The following FGF14 variants were observed in gnomAD, a reference collection of about 807,000 sequenced individuals.
The protein encoded by FGF14 is fibroblast growth factor 14.
FGF14 carries 5 observed loss-of-function variants against 25.5 expected under a neutral mutation model. That is an observed-to-expected ratio of 0.20 (90% CI 0.10 to 0.41). FGF14 has a LOEUF of 0.41. Ranked by LOEUF, FGF14 falls within the 10% of genes least tolerant of loss-of-function variation. The probability of loss-of-function intolerance (pLI) is 1.00; values close to 1 mark genes in which losing one functional copy is unlikely to be tolerated. For synonymous variants in FGF14, 138 were observed against 118.3 expected (o/e 1.17, Z -1.08); for missense variants, 222 against 320.1 (o/e 0.69, Z 2.34).
At chr13:102,201,611 G>A (rs1424234142) in intron 1 of FGF14, among the ~76,000 whole-genome samples, 1 of 152,166 alleles carries the variant, frequency 6.6e-6, no homozygotes, top group Non-Finnish European at 1.5e-5. Flanking sequence ...GTTAGAGGAT[G>A]CAAAACCTTA....
At chr13:102,178,276 G>A (rs1481572464) in intron 1 of FGF14, among the ~76,000 whole-genome samples, 8 of 152,198 alleles carry the variant, frequency 5.3e-5, no homozygotes, top group East Asian at 3.9e-4. Flanking sequence ...TAATTTTCAC[G>A]TCCTGGAAAA....
At chr13:101,969,291 C>T (rs1238278931) in intron 1 of FGF14, among the ~76,000 whole-genome samples, 1 of 152,102 alleles carries the variant, frequency 6.6e-6, no homozygotes, top group Middle Eastern at 3.2e-3. Flanking sequence ...AGGCTGGGTG[C>T]AGTGGCTCAC....
chr13:101,857,217 T>C (rs947677169), intron 3 of FGF14, among the ~76,000 whole-genome samples: 4 of 151,994 alleles, frequency 2.6e-5, no homozygotes, highest in Non-Finnish European at 5.9e-5. Context: ...TGCTAAATAA[T>C]AGATAGGAGC....
intron 1 of FGF14, among the ~76,000 whole-genome samples, chr13:102,397,882 T>C (rs2058619358): frequency 1.3e-5 from 2 of 152,186 alleles, no homozygotes; most frequent in African/African-American, 2.4e-5. Context: ...TGCCTTGGAC[T>C]TAGTATTCCC....
chr13:102,285,381 G>A (rs2054044086), intron 1 of FGF14, among the ~76,000 whole-genome samples: 2 of 152,102 alleles, frequency 1.3e-5, no homozygotes, highest in Admixed American at 1.3e-4. Flanking sequence ...TCTTGGAATG[G>A]TTTACATCCG....
At chr13:101,769,624 C>T (rs1003245329) in intron 3 of FGF14, among the ~76,000 whole-genome samples, 2 of 152,088 alleles carry the variant, frequency 1.3e-5, no homozygotes, top group African/African-American at 4.8e-5. Flanking sequence ...TTATTCATCT[C>T]TAAAAGGAAA....
At chr13:102,159,217 TAGCTGTA>T (rs1417140604) in intron 1 of FGF14, among the ~76,000 whole-genome samples, 1 of 150,614 alleles carries the variant, frequency 6.6e-6, no homozygotes, top group Non-Finnish European at 1.5e-5. Flanking sequence ...TATGAAAAAC[TAGCTGTA>T]ATAGAATATG....
chr13:102,252,959 G>A (rs9582569), intron 1 of FGF14, among the ~76,000 whole-genome samples: 23,933 of 152,070 alleles, frequency 0.16, 2,061 homozygotes, highest in Non-Finnish European at 0.2. Flanking sequence ...TGAGAATGAT[G>A]GTTTCCAGCT....
intron 1 of FGF14, among the ~76,000 whole-genome samples, chr13:102,352,538 C>T (rs2057313497): frequency 6.6e-6 from 1 of 152,194 alleles, no homozygotes; most frequent in African/African-American, 2.4e-5. Flanking sequence ...ATTGGCCGGG[C>T]GCGGTGGCTC....
intron 1 of FGF14, among the ~76,000 whole-genome samples, chr13:102,124,593 C>T (rs559796587): frequency 4.8e-4 from 73 of 152,164 alleles, no homozygotes; most frequent in African/African-American, 1.6e-3. Context: ...AGTATGGATA[C>T]AGTTCTGGAA....
chr13:101,905,583 A>C (rs1298186995), intron 1 of FGF14, among the ~76,000 whole-genome samples: 2 of 152,142 alleles, frequency 1.3e-5, no homozygotes. Context: ...GGATAGCATT[A>C]GGAGGAATAC....
At chr13:101,962,115 T>C (rs2036894722) in intron 1 of FGF14, among the ~76,000 whole-genome samples, 1 of 152,210 alleles carries the variant, frequency 6.6e-6, no homozygotes, top group African/African-American at 2.4e-5. Context: ...AATGGTAGTT[T>C]AATGGGTATA....
At chr13:102,199,673 T>C (rs761101857) in intron 1 of FGF14, among the ~76,000 whole-genome samples, 1 of 152,170 alleles carries the variant, frequency 6.6e-6, no homozygotes, top group Non-Finnish European at 1.5e-5. Flanking sequence ...TCTGATCCCA[T>C]GCTGTAACCC....
intron 3 of FGF14, among the ~76,000 whole-genome samples, chr13:101,808,614 A>G (rs964268192): frequency 2.0e-5 from 3 of 152,276 alleles, no homozygotes; most frequent in Middle Eastern, 3.4e-3. Context: ...ATGACGTGGT[A>G]GCTATAACTT....
At chr13:102,276,327 ACG>A (rs1491534085) in intron 1 of FGF14, among the ~76,000 whole-genome samples, 5 of 82,556 alleles carry the variant, frequency 6.1e-5, no homozygotes, top group African/African-American at 2.1e-4. Flanking sequence ...ACACACACAC[ACG>A]TACGTGTGTG....
chr13:101,905,957 C>T (rs1408649206), intron 1 of FGF14, among the ~76,000 whole-genome samples: 1 of 152,054 alleles, frequency 6.6e-6, no homozygotes, highest in Non-Finnish European at 1.5e-5. Context: ...CCAACAACAC[C>T]CTGTTGTTGG....
rs3066871 is a variant in FGF14 at position 102,237,585 on chromosome 13, GA to G, written c.208+163885del. Among the ~76,000 whole-genome samples, 176 of 135,592 alleles carry G rather than the reference GA, an allele frequency of 1.3e-3. 1 individual carries two copies. In the East Asian group the frequency reaches 0.019, roughly 15 times the overall value. The allele number at this position is 135,592 out of a possible 152,430, so 89.0% of individuals were successfully genotyped here. A position where few individuals can be genotyped will look rare whatever the true frequency, so the allele number is the denominator to read the frequency against. The stretch of plus-strand genomic sequence containing the variant: ...ACTGCTTGGGGTTTTTTACACTTCA[GA>G]AAAAAAAAAAAAAAGAATTACAAAC... On this transcript the variant is annotated intron_variant, in intron 1 of 4. Transcript: ENST00000376131.
chr13:102,385,340 TA>T, intron 1 of FGF14, among the ~76,000 whole-genome samples: 1 of 152,328 alleles, frequency 6.6e-6, no homozygotes, highest in East Asian at 1.9e-4. Context: ...CACTTACTTC[TA>T]AGTTATCTAT....
chr13:101,722,599 T>C lies in FGF14; in HGVS notation c.*232A>G. On this transcript the variant is annotated 3_prime_UTR_variant, in exon 5 of 5. Coordinates refer to ENST00000376143, the MANE Select transcript of FGF14 (RefSeq NM_004115.4). Reference sequence around the variant, plus strand: ...AGATATTAAAAAGGCATTCCATATCTGGTAGGGCATTCCATGGTCTGAGTT... The same window carrying C: ...AGATATTAAAAAGGCATTCCATATCCGGTAGGGCATTCCATGGTCTGAGTT... 1 of 577,080 alleles carries C rather than the reference T, an allele frequency of 1.7e-6. No homozygotes were observed. Among genetic ancestry groups the C allele is most frequent in the South Asian group, 2.0e-5 (1 of 50,618 alleles). 35.7% of individuals were successfully genotyped at this position (577,080 alleles called of 1,614,324 possible).
Sources: allele counts gnomAD v4.1 joint callset (sites outside exome capture counted in the v4.1 genomes callset), GRCh38; gene constraint gnomAD v4.1.1; transcripts MANE v1.5; gene names NCBI Gene and HGNC (gene_info 2026-07-23, HGNC 2026-07-21).